Variants in CNBD1 observed in about 807,000 individuals in gnomAD.
The protein encoded by CNBD1 is cyclic nucleotide binding domain containing 1.
A neutral mutation model predicts 54.4 loss-of-function variants in CNBD1; 71 were observed. The ratio of observed to expected loss-of-function variants is 1.30; its 90% CI spans 1.08 to 1.59. The LOEUF (loss-of-function observed/expected upper bound fraction) is 1.59. CNBD1 is among the 40% of genes most tolerant of loss of function. CNBD1 has a pLI of 0.00. For synonymous variants in CNBD1, 182 were observed against 170.7 expected, an observed-to-expected ratio of 1.07 and a Z score of -0.51; for missense variants, 659 against 518.0, an observed-to-expected ratio of 1.27 and a Z score of -2.64.
intron 4 of CNBD1, among the ~76,000 whole-genome samples, chr8:87,118,752 A>G (rs1282090031): frequency 1.3e-5 from 2 of 152,174 alleles, no homozygotes; most frequent in African/African-American, 4.8e-5. Context: ...ATCTCTTGTC[A>G]CTTTTGCCTT....
At chr8:87,120,720 T>G (rs2130715259) in intron 4 of CNBD1, among the ~76,000 whole-genome samples, 1 of 152,070 alleles carries the variant, frequency 6.6e-6, no homozygotes, top group South Asian at 2.1e-4. Flanking sequence ...CTGTTAGCAC[T>G]GTTTTTGCTG....
intron 4 of CNBD1, among the ~76,000 whole-genome samples, chr8:87,092,431 A>ATATATATACACATATG (rs1436881611): frequency 1.3e-3 from 150 of 113,508 alleles, no homozygotes; most frequent in African/African-American, 4.5e-3. Flanking sequence ...GTATGTATGT[A>ATATATATACACATATG]TGTGTGTGTG....
At chr8:87,304,098 A>T (rs1443608823) in intron 8 of CNBD1, among the ~76,000 whole-genome samples, 1 of 152,068 alleles carries the variant, frequency 6.6e-6, no homozygotes, top group Non-Finnish European at 1.5e-5. Context: ...GGGATCTAGA[A>T]CTAGAAATAC....
At chr8:86,976,056 CTA>C (rs2130499487) in intron 4 of CNBD1, among the ~76,000 whole-genome samples, 1 of 151,598 alleles carries the variant, frequency 6.6e-6, no homozygotes, top group South Asian at 2.1e-4. Context: ...AGTCCTTTGC[CTA>C]TGTTTTTTAA....
chr8:87,393,326 C>A (rs1403597893), intron 2 of CNBD1, among the ~76,000 whole-genome samples: 1 of 151,832 alleles, frequency 6.6e-6, no homozygotes, highest in Admixed American at 6.6e-5. Flanking sequence ...TATTCTCCCT[C>A]CAGAAACAGT....
Position 86,887,551 on chromosome 8 carries a change from A to AG in CNBD1, c.99dup (p.Ser34ValfsTer2). ...ATTGATTTTTTTTCAGACTTGAAAA[A>AG]GTCTAAGCACATTAATTATGGCCAG... On this transcript the variant is annotated frameshift_variant, in exon 2 of 11. Coordinates refer to ENST00000518476, the MANE Select transcript of CNBD1 (RefSeq NM_173538.3). LOFTEE classifies it high-confidence loss of function. 1 of 1,565,314 alleles carries AG rather than the reference A, an allele frequency of 6.4e-7. No homozygotes were observed. The highest frequency in any genetic ancestry group is 8.7e-7 in the Non-Finnish European group (1 of 1,152,126).
chr8:87,417,078 T>C (rs1807851037), intron 2 of CNBD1, among the ~76,000 whole-genome samples: 1 of 152,014 alleles, frequency 6.6e-6, no homozygotes, highest in Admixed American at 6.6e-5. Flanking sequence ...TCTGTTCTCA[T>C]GCGTTTAAGA....
chr8:87,307,721 G>C (rs1045454301), intron 8 of CNBD1, among the ~76,000 whole-genome samples: 1 of 139,070 alleles, frequency 7.2e-6, no homozygotes, highest in African/African-American at 2.8e-5. Flanking sequence ...CTGGGCAAAA[G>C]AGTGAAACTC....
chr8:87,079,255 A>T (rs1810938673), intron 4 of CNBD1, among the ~76,000 whole-genome samples: 1 of 151,846 alleles, frequency 6.6e-6, no homozygotes, highest in South Asian at 2.1e-4. Flanking sequence ...TTCATTGTGC[A>T]TTTGGGTTGA....
At chr8:87,381,219 A>G (rs1340954380) in intron 10 of CNBD1, among the ~76,000 whole-genome samples, 2 of 152,088 alleles carry the variant, frequency 1.3e-5, no homozygotes, top group East Asian at 3.9e-4. Flanking sequence ...TAAAAATAGG[A>G]TAAAGACTTG....
At chr8:87,312,515 T>C (rs1809289604) in intron 8 of CNBD1, among the ~76,000 whole-genome samples, 1 of 152,072 alleles carries the variant, frequency 6.6e-6, no homozygotes, top group Admixed American at 6.6e-5. Context: ...ATAGTGGGGT[T>C]TGACATTGCT....
At chr8:87,040,059 C>T (rs1810031458) in intron 4 of CNBD1, among the ~76,000 whole-genome samples, 1 of 142,026 alleles carries the variant, frequency 7.0e-6, no homozygotes, top group South Asian at 2.2e-4. Context: ...ATGTTATCTC[C>T]AGGAGCAATT....
At chr8:87,048,507 G>A (rs76013258) in intron 4 of CNBD1, among the ~76,000 whole-genome samples, 1,567 of 152,120 alleles carry the variant, frequency 0.01, 42 homozygotes, top group African/African-American at 0.036. Flanking sequence ...CTGTGGTCTC[G>A]AGGCACAATG....
At chr8:86,875,642 A>G (rs1808509765) in intron 1 of CNBD1, among the ~76,000 whole-genome samples, 2 of 152,104 alleles carry the variant, frequency 1.3e-5, no homozygotes, top group African/African-American at 2.4e-5. Flanking sequence ...TTGTAGCACT[A>G]GTATATATCT....
At chr8:87,111,766 C>A (rs1156312508) in intron 4 of CNBD1, among the ~76,000 whole-genome samples, 3 of 152,098 alleles carry the variant, frequency 2.0e-5, no homozygotes, top group South Asian at 2.1e-4. Flanking sequence ...TTCCATGGAT[C>A]CCTGTGGGTT....
chr8:87,081,927 G>A (rs938050280), intron 4 of CNBD1, among the ~76,000 whole-genome samples: 8 of 152,160 alleles, frequency 5.3e-5, no homozygotes, highest in African/African-American at 1.4e-4. Context: ...AGGATTAATT[G>A]TAGTTTGTTT....
chr8:87,236,737 C>T (rs938104096), intron 5 of CNBD1, among the ~76,000 whole-genome samples, 182 bp from the exon 6 acceptor site: 4 of 151,992 alleles, frequency 2.6e-5, no homozygotes, highest in African/African-American at 4.8e-5. Context: ...TATAAACATG[C>T]CTTTGTTATT....
chr8:87,109,892 C>T (rs886894060), intron 4 of CNBD1, among the ~76,000 whole-genome samples: 4 of 152,038 alleles, frequency 2.6e-5, no homozygotes, highest in Admixed American at 6.6e-5. Flanking sequence ...GAAGATAATT[C>T]GTACTGGAAA....
intron 5 of CNBD1, among the ~76,000 whole-genome samples, chr8:87,213,202 G>A (rs558704617): frequency 8.8e-4 from 134 of 152,004 alleles, no homozygotes; most frequent in African/African-American, 2.1e-3. Flanking sequence ...AGTATTAAGC[G>A]TTGGTATGGA....
Sources: gnomAD v4.1 joint callset for allele counts (sites outside exome capture counted in the v4.1 genomes callset) on GRCh38, gnomAD v4.1.1 for gene constraint, MANE v1.5 for transcripts, NCBI Gene and HGNC (gene_info 2026-07-23, HGNC 2026-07-21) for gene names.